PCBP2: variants seen among roughly 807,000 people sequenced by gnomAD.
PCBP2 encodes poly(rC)-binding protein 2.
In PCBP2, 4 loss-of-function variants were observed where a neutral mutation model predicts 50.1. The ratio of observed to expected loss-of-function variants is 0.08; its 90% CI spans 0.04 to 0.18. The LOEUF is 0.18. PCBP2 is among the 10% of genes least tolerant of loss of function. PCBP2 has a pLI of 1.00. For missense variants in PCBP2, 161 were observed against 474.3 expected (o/e 0.34, Z 6.14); for synonymous variants, 179 against 168.0 (o/e 1.07, Z -0.51).
chr12:53,471,871 T>G (rs1942258948), intron 14 of PCBP2, 64 bp downstream of exon 14: 3 of 1,453,070 alleles, frequency 2.1e-6, no homozygotes, highest in Non-Finnish European at 2.8e-6. Context: ...TGGGGAGAGC[T>G]GCAGTGTATT....
At chr12:53,469,829 T>C (rs978234288) in intron 13 of PCBP2, among the ~76,000 whole-genome samples, 12 of 141,202 alleles carry the variant, frequency 8.5e-5, no homozygotes, top group African/African-American at 3.1e-4. Context: ...GTGACCTCCG[T>C]CTCCTGGGTT....
chr12:53,464,736 C>G, intron 8 of PCBP2, 24 bp from the exon 9 acceptor site: 2 of 1,610,092 alleles, frequency 1.2e-6, no homozygotes, highest in South Asian at 1.1e-5. Context: ...GCCCTGGAGA[C>G]TGAAATCCTC....
chr12:53,466,016 C>T (rs1187789363), intron 10 of PCBP2, 43 bp downstream of exon 10: 2 of 1,582,548 alleles, frequency 1.3e-6, no homozygotes, highest in South Asian at 1.1e-5. Flanking sequence ...GCTCCCTCTC[C>T]CATCCAAAAT....
intron 14 of PCBP2, chr12:53,476,034 A>G (rs544967652): frequency 2.6e-5 from 4 of 152,340 alleles, no homozygotes; most frequent in Admixed American, 6.5e-5. Flanking sequence ...GGATAAGTCT[A>G]ATAAAATTAG....
chr12:53,458,674 C>T (rs141614517), intron 5 of PCBP2, among the ~76,000 whole-genome samples: 1 of 149,672 alleles, frequency 6.7e-6, no homozygotes, highest in African/African-American at 2.5e-5. Flanking sequence ...TAGTCTCACT[C>T]TGTTGCCTAG....
rs746549068 is a variant in PCBP2 at position 53,468,851 on chromosome 12, C to T, written c.882+19C>T. On this transcript the variant is annotated intron_variant, in intron 13 of 14. Transcript: ENST00000546463. ...AAACGATGTAAGTGTAGTTAGGTTG[C>T]ATGGGATGAAAATAAGAAAATAGAC... is the stretch of plus-strand genomic sequence containing the variant. 6 of 1,586,626 alleles carry T rather than the reference C, an allele frequency of 3.8e-6. No homozygotes were observed. In the South Asian group the frequency reaches 6.6e-5, roughly 18 times the overall value.
At chr12:53,465,600 C>G (rs558955984) in intron 9 of PCBP2, among the ~76,000 whole-genome samples, 15 of 152,230 alleles carry the variant, frequency 9.9e-5, no homozygotes, top group African/African-American at 2.2e-4. Flanking sequence ...ATCTTGTATA[C>G]AGGGAGGAAG....
At chr12:53,468,644 C>T (rs1941984304) in intron 12 of PCBP2, 133 bp from the exon 13 acceptor site, 1 of 722,840 alleles carries the variant, frequency 1.4e-6, no homozygotes, top group South Asian at 1.6e-5. Flanking sequence ...TTGGAGGCTT[C>T]CAAGTTAGTG....
chr12:53,472,301 A>G (rs1260642659), intron 14 of PCBP2, among the ~76,000 whole-genome samples: 1 of 152,192 alleles, frequency 6.6e-6, no homozygotes, highest in South Asian at 2.1e-4. Flanking sequence ...TGTGTGTTTT[A>G]TTCAGAGCTT....
At chr12:53,474,012 C>G (rs992050221) in intron 14 of PCBP2, among the ~76,000 whole-genome samples, 4 of 152,136 alleles carry the variant, frequency 2.6e-5, no homozygotes, top group African/African-American at 9.7e-5. Context: ...AGGCACACTT[C>G]CCAAATATAT....
intron 13 of PCBP2, among the ~76,000 whole-genome samples, chr12:53,469,752 A>G (rs1221311971): frequency 7.8e-6 from 1 of 128,852 alleles, no homozygotes; most frequent in African/African-American, 2.9e-5. Context: ...ATTCCTGTAC[A>G]TTTGCTGCTT....
At chr12:53,468,916 CCT>C in intron 13 of PCBP2, 84 bp downstream of exon 13, 2 of 841,390 alleles carry the variant, frequency 2.4e-6, no homozygotes, top group South Asian at 1.7e-5. Flanking sequence ...GTCCTGCTAC[CCT>C]TTTTTTTTTT....
intron 8 of PCBP2, 39 bp downstream of exon 8, chr12:53,462,606 A>G (rs2137053531): frequency 6.5e-7 from 1 of 1,531,944 alleles, no homozygotes; most frequent in Non-Finnish European, 9.0e-7. Context: ...ATGAACAGAG[A>G]TTATATTTGA....
At chr12:53,460,114 G>A (rs117829061) in intron 6 of PCBP2, 237 of 227,156 alleles carry the variant, frequency 1.0e-3, no homozygotes, top group Non-Finnish European at 1.9e-3. Flanking sequence ...AAAATAGGAA[G>A]ATGTATTGGG....
intron 5 of PCBP2, among the ~76,000 whole-genome samples, chr12:53,458,572 A>G (rs975433499): frequency 6.0e-5 from 9 of 149,404 alleles, no homozygotes; most frequent in African/African-American, 2.2e-4. Flanking sequence ...CTCCCAAAGT[A>G]CTGGGATTAC....
At chr12:53,460,224 C>T (rs1565860781) in intron 6 of PCBP2, 1 of 212,834 alleles carries the variant, frequency 4.7e-6, no homozygotes, top group Non-Finnish European at 9.9e-6. Context: ...ACTGCAACCT[C>T]GACTTCTGGG....
At chr12:53,468,047 C>T (rs1241437380) in intron 12 of PCBP2, 2 of 582,838 alleles carry the variant, frequency 3.4e-6, no homozygotes, top group East Asian at 2.8e-5. Context: ...GAGACAGCAG[C>T]CATAGCTGAG....
Position 53,455,088 on chromosome 12 carries a change from ACT to A in PCBP2, c.69+223_69+224del, listed in dbSNP as rs1940891357. ...GCATAATTAGAGGCTGGAGCCAAAA[ACT>A]CTCCATACCTGGATGGTAAGGTTTT... On this transcript the variant is annotated intron_variant, in intron 2 of 14. Transcript: ENST00000546463. Among the ~76,000 whole-genome samples the A allele has an allele frequency of 2.6e-5, 4 of 151,562 alleles. 1 individual carries two copies. Among genetic ancestry groups the A allele is most frequent in the Admixed American group, 2.6e-4 (4 of 15,208 alleles).
At chr12:53,473,023 T>TC (rs1396304613) in intron 14 of PCBP2, among the ~76,000 whole-genome samples, 2 of 152,156 alleles carry the variant, frequency 1.3e-5, no homozygotes, top group South Asian at 4.1e-4. Context: ...CAGGCTCGTC[T>TC]CCAACTCCTG....
Sources: gnomAD v4.1 joint callset for allele counts (sites outside exome capture counted in the v4.1 genomes callset) on GRCh38, gnomAD v4.1.1 for gene constraint, MANE v1.5 for transcripts, NCBI Gene and HGNC (gene_info 2026-07-23, HGNC 2026-07-21) for gene names.